The following PPFIBP2 variants were observed in gnomAD, a reference collection of about 807,000 sequenced individuals.
PPFIBP2 encodes PPFIB scaffold protein 2.
Under a neutral mutation model 118.3 loss-of-function variants are expected in PPFIBP2, and 118 were observed. The observed-to-expected ratio is 1.00, with a 90% CI of 0.86 to 1.16. PPFIBP2 has a LOEUF of 1.16. Among genes scored for constraint, PPFIBP2 ranks in the 50% most tolerant of loss-of-function variants. PPFIBP2 has a pLI of 0.00. For synonymous variants in PPFIBP2, 414 were observed against 397.4 expected, an observed-to-expected ratio of 1.04 and a Z score of -0.50; for missense variants, 1,195 against 1,073.1, an observed-to-expected ratio of 1.11 and a Z score of -1.59.
At chr11:7,548,660 T>G (rs1202253182) in intron 1 of PPFIBP2, among the ~76,000 whole-genome samples, 3 of 152,106 alleles carry the variant, frequency 2.0e-5, no homozygotes, top group Non-Finnish European at 4.4e-5. Context: ...AGCAATTGCC[T>G]GAGGGACAGG....
chr11:7,518,348 G>C (rs1326816110), intron 1 of PPFIBP2, among the ~76,000 whole-genome samples: 1 of 152,140 alleles, frequency 6.6e-6, no homozygotes, highest in Non-Finnish European at 1.5e-5. Context: ...AGAGAAAAAG[G>C]GCTGGGTTTT....
At chr11:7,576,467 G>C (rs1449926384) in intron 3 of PPFIBP2, 1 of 152,356 alleles carries the variant, frequency 6.6e-6, no homozygotes, top group Non-Finnish European at 1.5e-5. Context: ...GCCACCTGGA[G>C]AGCCTGCATG....
intron 4 of PPFIBP2, among the ~76,000 whole-genome samples, chr11:7,596,423 A>C (rs1590453350): frequency 6.6e-6 from 1 of 150,970 alleles, no homozygotes; most frequent in East Asian, 1.9e-4. Flanking sequence ...TTTTTTGGTT[A>C]AAAGTGGAAT....
intron 15 of PPFIBP2, 58 bp from the exon 16 acceptor site, chr11:7,641,421 G>T: frequency 6.3e-7 from 1 of 1,585,362 alleles, no homozygotes; most frequent in Non-Finnish European, 8.6e-7. Context: ...GCTTGGGGAA[G>T]AAGGGTTCCA....
chr11:7,606,042 C>T (rs1565044245), intron 5 of PPFIBP2: 1 of 1,529,200 alleles, frequency 6.5e-7, no homozygotes, highest in African/African-American at 1.4e-5. Flanking sequence ...TTGATCAAGT[C>T]AAAAGCCTGA....
chr11:7,629,471 G>C lies in PPFIBP2; in HGVS notation c.901G>C (p.Glu301Gln), dbSNP rs1324364722. The C allele has an allele frequency of 6.2e-7, 1 of 1,614,132 alleles. No homozygotes were observed. Among genetic ancestry groups the C allele is most frequent in the Admixed American group, 1.7e-5 (1 of 60,030 alleles). ...TGCACTATGGCAGGACCGTCGGATA[G>C]AGGAGCTTACGGGGCTGTTAAACCA... The part of the protein sequence containing the change: ...LANEDKDRRI[E>Q]ELTGLLNQYR... The change falls in exon 10 of 24, where the codon GAG becomes CAG. Residue 301 changes from glutamate (E) to glutamine (Q), a missense_variant. Coordinates refer to ENST00000299492, the MANE Select transcript of PPFIBP2 (RefSeq NM_003621.5).
intron 3 of PPFIBP2, among the ~76,000 whole-genome samples, chr11:7,589,239 C>T (rs548837742): frequency 3.3e-5 from 5 of 152,166 alleles, no homozygotes; most frequent in Admixed American, 6.5e-5. Context: ...ACAAGTATAA[C>T]GGGGGTGGAT....
At chr11:7,540,663 TA>T (rs926146169) in intron 1 of PPFIBP2, among the ~76,000 whole-genome samples, 1 of 152,138 alleles carries the variant, frequency 6.6e-6, no homozygotes, top group African/African-American at 2.4e-5. Context: ...TGTAAACACT[TA>T]TCCAGTGCTT....
intron 8 of PPFIBP2, among the ~76,000 whole-genome samples, chr11:7,626,800 G>A (rs752398771): frequency 6.6e-6 from 1 of 152,190 alleles, no homozygotes. Context: ...ATAGTCCTAC[G>A]GATTGGTGCC....
At chr11:7,520,888 C>T (rs944633813) in intron 1 of PPFIBP2, among the ~76,000 whole-genome samples, 1 of 152,182 alleles carries the variant, frequency 6.6e-6, no homozygotes, top group Non-Finnish European at 1.5e-5. Context: ...GAAAGGTGGG[C>T]TTTATCCTTT....
chr11:7,544,538 G>T (rs180860718), intron 1 of PPFIBP2, among the ~76,000 whole-genome samples: 60 of 152,168 alleles, frequency 3.9e-4, no homozygotes, highest in Admixed American at 3.6e-3. Flanking sequence ...ACTTTGGGAG[G>T]CCAAGGTGGG....
intron 22 of PPFIBP2, chr11:7,651,314 A>G (rs747416252): frequency 2.9e-4 from 100 of 339,994 alleles, no homozygotes; most frequent in Non-Finnish European, 4.7e-4. Context: ...TAGGATCCCT[A>G]TCACTACTCA....
chr11:7,555,419 G>C (rs1404250971), intron 2 of PPFIBP2, among the ~76,000 whole-genome samples: 1 of 152,238 alleles, frequency 6.6e-6, no homozygotes, highest in Admixed American at 6.5e-5. Flanking sequence ...AGAAAGTTCT[G>C]ATCAAGACCG....
chr11:7,624,960 A>G (rs1457324769), intron 7 of PPFIBP2, among the ~76,000 whole-genome samples: 1 of 152,210 alleles, frequency 6.6e-6, no homozygotes, highest in African/African-American at 2.4e-5. Context: ...GACAGGACCT[A>G]TACAATTCTG....
chr11:7,563,927 A>G (rs1854632724), intron 2 of PPFIBP2, among the ~76,000 whole-genome samples: 1 of 152,194 alleles, frequency 6.6e-6, no homozygotes, highest in Non-Finnish European at 1.5e-5. Flanking sequence ...GCACTTTGGT[A>G]GGCCAATTTG....
At chr11:7,652,640 G>A (rs1295532234) in intron 23 of PPFIBP2, among the ~76,000 whole-genome samples, 1 of 152,240 alleles carries the variant, frequency 6.6e-6, no homozygotes, top group African/African-American at 2.4e-5. Context: ...GCCAGGTGCT[G>A]AGATGGGAAA....
At chr11:7,653,948 G>C (rs925145193), downstream of PPFIBP2, among the ~76,000 whole-genome samples, 1 of 152,132 alleles carries the variant, frequency 6.6e-6, no homozygotes. Flanking sequence ...GAGGAGGTCC[G>C]TGGCCGCACT....
intron 13 of PPFIBP2, among the ~76,000 whole-genome samples, chr11:7,634,853 G>C (rs1180490939): frequency 6.6e-6 from 1 of 152,198 alleles, no homozygotes; most frequent in Admixed American, 6.5e-5. Context: ...AGAGTAGGAG[G>C]AGGTAAGGTC....
chr11:7,591,509 A>G (rs1316047044), intron 3 of PPFIBP2, among the ~76,000 whole-genome samples: 2 of 117,956 alleles, frequency 1.7e-5, no homozygotes, highest in Non-Finnish European at 3.8e-5. Context: ...AGATTATAAT[A>G]TATTCTTGGA....
Sources: allele counts gnomAD v4.1 joint callset (sites outside exome capture counted in the v4.1 genomes callset), GRCh38; gene constraint gnomAD v4.1.1; transcripts MANE v1.5; gene names NCBI Gene and HGNC (gene_info 2026-07-23, HGNC 2026-07-21).